DMD: variants seen among roughly 807,000 people sequenced by gnomAD.
The protein encoded by DMD is dystrophin.
A neutral mutation model predicts 330.1 loss-of-function variants in DMD; 63 were observed. The observed-to-expected ratio is 0.19, with a 90% confidence interval of 0.16 to 0.24. The LOEUF (loss-of-function observed/expected upper bound fraction) is 0.24. DMD is among the 10% of genes least tolerant of loss of function. The pLI, the probability that DMD is intolerant of heterozygous loss-of-function variation, is 1.00. For missense variants in DMD, 3,344 were observed against 2,684.1 expected, an observed-to-expected ratio of 1.25 and a Z score of -5.43; for synonymous variants, 1,223 against 959.8, an observed-to-expected ratio of 1.27 and a Z score of -5.07.
chrX:31,890,336 A>T (rs2094225865), intron 47 of DMD, among the ~76,000 whole-genome samples: 1 of 99,425 alleles, frequency 1.0e-5, no homozygotes, highest in Non-Finnish European at 2.0e-5. Flanking sequence ...ACATAGTGAG[A>T]TTGTTGTTTC....
chrX:32,772,318 T>A (rs2073697865), intron 7 of DMD, among the ~76,000 whole-genome samples: 1 of 112,835 alleles, frequency 8.9e-6, no homozygotes, highest in African/African-American at 3.2e-5. Flanking sequence ...TCATTGTTAG[T>A]AGAATTCTAC....
chrX:33,280,789 T>C (rs1246086491), intron 1 of DMD, among the ~76,000 whole-genome samples: 1 of 112,217 alleles, frequency 8.9e-6, no homozygotes, highest in Non-Finnish European at 1.9e-5. Flanking sequence ...TTCACTGATA[T>C]ATGAGTCTGT....
intron 7 of DMD, among the ~76,000 whole-genome samples, chrX:32,780,087 C>T (rs1021657580): frequency 4.5e-5 from 5 of 111,537 alleles, no homozygotes; most frequent in East Asian, 2.8e-4. Flanking sequence ...CACACTTACC[C>T]GATATGTAGT....
At chrX:32,125,218 G>C (rs1398293523) in intron 44 of DMD, among the ~76,000 whole-genome samples, 1 of 111,198 alleles carries the variant, frequency 9.0e-6, no homozygotes, top group Non-Finnish European at 1.9e-5. Context: ...ATTCCAATGA[G>C]AGACGATGGT....
intron 30 of DMD, among the ~76,000 whole-genome samples, chrX:32,394,256 A>C (rs960268110): frequency 8.9e-6 from 1 of 112,199 alleles, no homozygotes; most frequent in African/African-American, 3.2e-5. Context: ...AAACAAAAGT[A>C]AGATGTGAAG....
At chrX:31,697,259 C>T (rs1461729695) in intron 52 of DMD, among the ~76,000 whole-genome samples, 2 of 111,819 alleles carry the variant, frequency 1.8e-5, no homozygotes, top group Non-Finnish European at 3.8e-5. Flanking sequence ...TTTACATTTA[C>T]ACCAAATTCA....
intron 48 of DMD, among the ~76,000 whole-genome samples, chrX:31,868,967 T>C (rs771565252): frequency 2.7e-5 from 3 of 111,750 alleles, no homozygotes; most frequent in Middle Eastern, 4.6e-3. Context: ...CCACAATCTA[T>C]GCCATAAACC....
At chrX:31,193,197 T>TA (rs1402419863) in intron 67 of DMD, among the ~76,000 whole-genome samples, 1 of 112,474 alleles carries the variant, frequency 8.9e-6, no homozygotes, top group Admixed American at 9.5e-5. Flanking sequence ...GTTTTCATGT[T>TA]ACGTGTTTTA....
At chrX:31,328,152 C>T (rs756969596) in intron 61 of DMD, among the ~76,000 whole-genome samples, 3 of 112,135 alleles carry the variant, frequency 2.7e-5, no homozygotes, top group Non-Finnish European at 5.6e-5. Context: ...AAGTTGTCTC[C>T]AGTTTTTCAC....
intron 13 of DMD, among the ~76,000 whole-genome samples, chrX:32,585,018 A>C (rs1601894748): frequency 8.9e-6 from 1 of 111,947 alleles, no homozygotes; most frequent in East Asian, 2.8e-4. Flanking sequence ...GGCCATAAAA[A>C]GGAATGAAAT....
intron 1 of DMD, among the ~76,000 whole-genome samples, chrX:33,246,666 T>G (rs920572100): frequency 3.6e-5 from 4 of 109,892 alleles, no homozygotes; most frequent in African/African-American, 1.3e-4. Context: ...TCATTTTTGG[T>G]TTTTTTTGCT....
At chrX:32,836,194 T>C (rs1277891160) in intron 4 of DMD, among the ~76,000 whole-genome samples, 1 of 87,780 alleles carries the variant, frequency 1.1e-5, no homozygotes, top group Non-Finnish European at 2.5e-5. Flanking sequence ...ACCACACCCG[T>C]CTAATTTTTT....
At chrX:32,925,153 T>TTG (rs1390375764) in intron 2 of DMD, among the ~76,000 whole-genome samples, 2 of 90,138 alleles carry the variant, frequency 2.2e-5, no homozygotes, top group Non-Finnish European at 4.2e-5. Context: ...GGGTTTTTTT[T>TTG]TTTTTTTTTT....
chrX:33,273,443 G>GA, intron 1 of DMD, among the ~76,000 whole-genome samples: 1 of 112,044 alleles, frequency 8.9e-6, no homozygotes, highest in East Asian at 2.8e-4. Context: ...TAAACATTTA[G>GA]AAAAACAGGT....
At chrX:31,628,785 T>C (rs2078982433) in intron 54 of DMD, among the ~76,000 whole-genome samples, 1 of 109,797 alleles carries the variant, frequency 9.1e-6, no homozygotes, top group Non-Finnish European at 1.9e-5. Flanking sequence ...TATACAGTTA[T>C]ACATTACAGT....
At chrX:32,631,594 C>T (rs1001226786) in intron 11 of DMD, among the ~76,000 whole-genome samples, 1 of 111,717 alleles carries the variant, frequency 9.0e-6, no homozygotes, top group Admixed American at 9.5e-5. Context: ...ATGATGCTGG[C>T]ATCTGCTCTG....
intron 1 of DMD, among the ~76,000 whole-genome samples, chrX:33,279,375 T>C (rs1246556391): frequency 9.0e-6 from 1 of 110,809 alleles, no homozygotes; most frequent in African/African-American, 3.3e-5. Context: ...TCAGTATAAA[T>C]TACACCAGGT....
At chrX:31,464,343 AAAG>A (rs1446333453) in intron 59 of DMD, among the ~76,000 whole-genome samples, 2 of 112,110 alleles carry the variant, frequency 1.8e-5, no homozygotes, top group Non-Finnish European at 3.8e-5. Flanking sequence ...AAAATAACAC[AAAG>A]AAGTCCAAAT....
intron 53 of DMD, among the ~76,000 whole-genome samples, chrX:31,661,860 T>C (rs1019823415): frequency 3.6e-5 from 4 of 112,305 alleles, no homozygotes; most frequent in Admixed American, 2.8e-4. Context: ...CACTATGTGC[T>C]TGATATATAT....
Sources: allele counts gnomAD v4.1 joint callset (sites outside exome capture counted in the v4.1 genomes callset), GRCh38; gene constraint gnomAD v4.1.1; transcripts MANE v1.5; gene names NCBI Gene and HGNC (gene_info 2026-07-23, HGNC 2026-07-21).